The following ANK1 variants were observed in gnomAD, a reference collection of about 807,000 sequenced individuals.
ANK1 encodes ankyrin-1.
Under a neutral mutation model 210.4 loss-of-function variants are expected in ANK1, and 51 were observed. That is an observed-to-expected ratio of 0.24 (90% confidence interval 0.19 to 0.31). The LOEUF (loss-of-function observed/expected upper bound fraction) is 0.31. ANK1 is among the 10% of genes least tolerant of loss of function. The pLI, the probability that ANK1 is intolerant of heterozygous loss-of-function variation, is 1.00. For missense variants in ANK1, 2,051 were observed against 2,504.4 expected (o/e 0.82, Z 3.86); for synonymous variants, 967 against 1,025.9 (o/e 0.94, Z 1.10).
chr8:41,860,852 G>T (rs1813138309), intron 1 of ANK1, among the ~76,000 whole-genome samples: 1 of 152,216 alleles, frequency 6.6e-6, no homozygotes, highest in Non-Finnish European at 1.5e-5. Context: ...CCCCTGCTGT[G>T]CCTGGAGCAC....
chr8:41,865,287 C>T (rs1258402736), intron 1 of ANK1, among the ~76,000 whole-genome samples: 2 of 152,172 alleles, frequency 1.3e-5, no homozygotes, highest in Non-Finnish European at 2.9e-5. Context: ...TTTGCTGAGC[C>T]GGGCCTTCCT....
chr8:41,874,841 A>G (rs1217366948), intron 1 of ANK1, among the ~76,000 whole-genome samples: 1 of 152,140 alleles, frequency 6.6e-6, no homozygotes, highest in East Asian at 1.9e-4. Context: ...TGATCTTCCC[A>G]TTCCAAAGTT....
chr8:41,795,245 G>C (rs1180999856), intron 1 of ANK1, among the ~76,000 whole-genome samples: 1 of 152,158 alleles, frequency 6.6e-6, no homozygotes, highest in African/African-American at 2.4e-5. Context: ...AGGCGCAGCG[G>C]CTCACGCCTG....
exon 1 of ANK1, chr8:41,896,727 C>T (rs1272127502): frequency 9.2e-6 from 2 of 218,232 alleles, no homozygotes; most frequent in East Asian, 2.4e-4. Context: ...CTTGCCGGCG[C>T]CCGGGACGGG....
Position 41,661,922 on chromosome 8 carries a change from C to G in ANK1, c.5498G>C (p.Arg1833Pro). ...ATCGGCGCTGGACAAGTCTATCTGT[C>G]GAACCACCTTGCGAATGATCTAGGA... ...VTKKIIRKVVRQIDLSSADAA... is the reference protein window; with the variant it reads ...VTKKIIRKVVPQIDLSSADAA... Residue 1833 changes from arginine to proline, a missense_variant, in exon 41 of 43, where the codon CGA becomes CCA. Physicochemically the swap from Arg to Pro is moderately radical, Grantham distance 103. Coordinates refer to ENST00000289734, the MANE Select transcript of ANK1 (RefSeq NM_000037.4). 1 of 1,613,976 alleles carries G rather than the reference C, an allele frequency of 6.2e-7. No individual in the cohort carries two copies. The highest frequency in any genetic ancestry group is 1.1e-5 in the South Asian group (1 of 91,064).
Position 41,699,337 on chromosome 8 carries a change from G to A in ANK1, c.2558+115C>T, listed in dbSNP as rs764850959. The A allele has an allele frequency of 8.3e-5, 80 of 960,638 alleles. 2 individuals are homozygous for A. The highest frequency in any genetic ancestry group is 3.6e-4 in the Admixed American group (21 of 58,134). 59.5% of individuals were successfully genotyped at this position (960,638 alleles called of 1,614,324 possible). A position where few individuals can be genotyped will look rare whatever the true frequency, so the allele number is the denominator to read the frequency against. The stretch of plus-strand genomic sequence containing the variant: ...TAAGGTGCAAACCGTCTCTCTCTGC[G>A]GGCAGCGAGCCCAGCGCCTGGCCTG... On this transcript the variant is annotated intron_variant, in intron 23 of 42. Transcript: ENST00000289734.
At chr8:41,854,952 G>GAA (rs58277361) in intron 1 of ANK1, among the ~76,000 whole-genome samples, 66 of 129,486 alleles carry the variant, frequency 5.1e-4, no homozygotes, top group Admixed American at 9.6e-4. Context: ...TATCTCAAAA[G>GAA]AAAAAAAAAA....
At chr8:41,664,841 G>T (rs748763057) in intron 39 of ANK1, 4 of 1,612,280 alleles carry the variant, frequency 2.5e-6, no homozygotes, top group Admixed American at 1.7e-5. Context: ...CCCTGGTGGA[G>T]ATGGTCTCCT....
At chr8:41,771,561 G>C (rs78013343) in intron 1 of ANK1, among the ~76,000 whole-genome samples, 4 of 152,210 alleles carry the variant, frequency 2.6e-5, no homozygotes, top group African/African-American at 9.7e-5. Flanking sequence ...TGAAGAAAAG[G>C]CTAAAGACTC....
At position 41,694,185 on chromosome 8, in the gene ANK1, A is replaced by C. The variant is rs1820158343; in HGVS notation, c.3328-83T>G. On this transcript the variant is annotated intron_variant, in intron 28 of 42. Transcript: ENST00000289734. The surrounding 1 kb of genome is among the most constrained non-coding windows in gnomAD (Gnocchi z 5.7). ...GGGAGGCAGCTCCATGCCTGGTGAG[A>C]GTGGCCGTCAGTGCACGGGGTCCCG... 1 of 1,403,908 alleles carries C rather than the reference A, an allele frequency of 7.1e-7. No individual in the cohort carries two copies. The highest frequency in any genetic ancestry group is 9.8e-7 in the Non-Finnish European group (1 of 1,016,364). The allele number at this position is 1,403,908 out of a possible 1,614,324, so 87.0% of individuals were successfully genotyped here.
At chr8:41,779,553 C>T (rs1029609380) in intron 1 of ANK1, among the ~76,000 whole-genome samples, 10 of 152,066 alleles carry the variant, frequency 6.6e-5, no homozygotes, top group African/African-American at 2.4e-4. Context: ...TGTGCTCAGC[C>T]TCTAGTTTGA....
chr8:41,661,865 T>G lies in ANK1; in HGVS notation c.5544+11A>C, dbSNP rs1060132. The G allele has an allele frequency of 1.9e-6, 3 of 1,614,074 alleles. No individual in the cohort carries two copies. Among genetic ancestry groups the G allele is most frequent in the Non-Finnish European group, 2.5e-6 (3 of 1,179,988 alleles). On this transcript the variant is annotated intron_variant, in intron 41 of 42. Coordinates refer to ENST00000289734, the MANE Select transcript of ANK1 (RefSeq NM_000037.4). ...CTCACTGGGATCCTCCAGGGGCCCCTCTACAGTCACCTCCTCGTGCTCCTG... is the reference window on the plus strand; with the variant it reads ...CTCACTGGGATCCTCCAGGGGCCCCGCTACAGTCACCTCCTCGTGCTCCTG...
chr8:41,803,085 G>GGAAGGAAGGAAGGAAGGGAAGGAAAGGA lies in ANK1; in HGVS notation c.127-44949_127-44948insTCCTTTCCTTCCCTTCCTTCCTTCCTTC, dbSNP rs1563811160. On this transcript the variant is annotated intron_variant, in intron 1 of 42. Coordinates refer to the ANK1 transcript ENST00000265709. ...AAAGGAAGGAAGGAAGGAAGGAAGG[G>GGAAGGAAGGAAGGAAGGGAAGGAAAGGA]AAGGAAAGGAAAGGAAAGGAAAGGA... 3.3e-4 allele frequency among the ~76,000 whole-genome samples: 20 copies of GGAAGGAAGGAAGGAAGGGAAGGAAAGGA among 60,034 alleles called. 1 individual carries two copies. The Admixed American group carries it at 3.4e-3, about 10-fold the overall frequency. 39.4% of individuals were successfully genotyped at this position (60,034 alleles called of 152,430 possible).
chr8:41,712,830 C>G (rs1191281544), intron 16 of ANK1, among the ~76,000 whole-genome samples: 1 of 152,226 alleles, frequency 6.6e-6, no homozygotes, highest in Non-Finnish European at 1.5e-5. Context: ...TATAATGAAC[C>G]TGGCTCCCGT....
chr8:41,872,581 C>T (rs769537039), intron 1 of ANK1, among the ~76,000 whole-genome samples: 2 of 152,234 alleles, frequency 1.3e-5, no homozygotes, highest in Non-Finnish European at 2.9e-5. Context: ...ATGTCAGAGG[C>T]CTTGGAGCCG....
Position 41,872,246 on chromosome 8 carries a change from G to C in ANK1, c.126+24109C>G, listed in dbSNP as rs143602030. ...CAAGTGGAGCTTAACTACAGCCGAA[G>C]AGCAGCGTCCCCACAGGTAAGGGGA... On this transcript the variant is annotated intron_variant, in intron 1 of 42. Coordinates refer to the ANK1 transcript ENST00000265709. Among the ~76,000 whole-genome samples the C allele has an allele frequency of 5.3e-3, 803 of 152,322 alleles. 5 individuals carry two copies. The highest frequency in any genetic ancestry group is 0.012 in the African/African-American group (501 of 41,576).
intron 17 of ANK1, 144 bp downstream of exon 17, chr8:41,708,634 A>G (rs570322326): frequency 1.7e-4 from 159 of 936,728 alleles, no homozygotes; most frequent in Admixed American, 1.3e-3. Flanking sequence ...TTATAAAATG[A>G]AGGTGAAATG....
intron 10 of ANK1, among the ~76,000 whole-genome samples, chr8:41,718,932 A>G (rs780896513): frequency 2.8e-4 from 43 of 152,228 alleles, no homozygotes; most frequent in Non-Finnish European, 4.8e-4. Context: ...CAACTCCCCT[A>G]TAACAGTACG....
chr8:41,875,559 G>A (rs2150827826), intron 1 of ANK1, among the ~76,000 whole-genome samples: 1 of 152,322 alleles, frequency 6.6e-6, no homozygotes, highest in African/African-American at 2.4e-5. Context: ...CCAAGGCTCG[G>A]CAGACAGGCA....
Sources: allele counts gnomAD v4.1 joint callset (sites outside exome capture counted in the v4.1 genomes callset), GRCh38; gene constraint gnomAD v4.1.1; non-coding constraint Gnocchi (gnomAD v3.1); transcripts MANE v1.5; gene names NCBI Gene and HGNC (gene_info 2026-07-23, HGNC 2026-07-21).